Variants in LTBP1 observed in about 807,000 individuals in gnomAD.
LTBP1 encodes latent transforming growth factor beta binding protein 1.
In LTBP1, 129 loss-of-function variants were observed where a neutral mutation model predicts 207.6. That is an observed-to-expected ratio of 0.62 (90% CI 0.54 to 0.72). The LOEUF (loss-of-function observed/expected upper bound fraction) is 0.72, where lower values mean the gene tolerates loss of function less well. Ranked by LOEUF, LTBP1 falls within the 30% of genes least tolerant of loss-of-function variation. The pLI is 0.00. For synonymous variants in LTBP1, 963 were observed against 833.7 expected (o/e 1.16, Z -2.67); for missense variants, 2,281 against 2,217.2 (o/e 1.03, Z -0.58).
intron 25 of LTBP1, among the ~76,000 whole-genome samples, chr2:33,345,940 G>A (rs549411006): frequency 6.6e-6 from 1 of 152,318 alleles, no homozygotes; most frequent in South Asian, 2.1e-4. Flanking sequence ...AGGAAAGAGG[G>A]TAAAAAGCAC....
At chr2:32,966,195 G>A (rs1236865248) in intron 2 of LTBP1, among the ~76,000 whole-genome samples, 2 of 151,996 alleles carry the variant, frequency 1.3e-5, no homozygotes, top group African/African-American at 4.8e-5. Context: ...TTTCCTTATT[G>A]TTGAGTTTTA....
At chr2:32,998,353 TAA>T (rs1685599868) in intron 2 of LTBP1, among the ~76,000 whole-genome samples, 1 of 150,914 alleles carries the variant, frequency 6.6e-6, no homozygotes, top group Non-Finnish European at 1.5e-5. Context: ...CTGTCTCTAC[TAA>T]AAATACAAAA....
At chr2:33,272,666 A>G (rs1225133911) in intron 15 of LTBP1, among the ~76,000 whole-genome samples, 1 of 152,182 alleles carries the variant, frequency 6.6e-6, no homozygotes, top group African/African-American at 2.4e-5. Context: ...TGAGGCATAG[A>G]ATGGTGAGGT....
intron 26 of LTBP1, among the ~76,000 whole-genome samples, chr2:33,355,785 C>G (rs2094851032): frequency 6.6e-6 from 1 of 152,166 alleles, no homozygotes; most frequent in African/African-American, 2.4e-5. Flanking sequence ...AGGCAGCCTT[C>G]CCTGATAGCC....
intron 2 of LTBP1, among the ~76,000 whole-genome samples, chr2:33,002,868 G>T (rs1477024233): frequency 6.6e-6 from 1 of 151,988 alleles, no homozygotes; most frequent in Non-Finnish European, 1.5e-5. Flanking sequence ...AGTACATGTG[G>T]GGTTTCACTG....
chr2:33,053,253 C>G (rs1469254385), intron 3 of LTBP1, among the ~76,000 whole-genome samples: 4 of 152,104 alleles, frequency 2.6e-5, no homozygotes, highest in Non-Finnish European at 5.9e-5. Context: ...ATACCCTGGC[C>G]CCTGCAACCC....
At chr2:33,209,932 A>T (rs1313830056) in intron 7 of LTBP1, among the ~76,000 whole-genome samples, 1 of 152,220 alleles carries the variant, frequency 6.6e-6, no homozygotes, top group Non-Finnish European at 1.5e-5. Flanking sequence ...TTTATAGAAG[A>T]CAAAATAGGC....
chr2:33,216,606 A>C (rs1468860897), intron 7 of LTBP1, among the ~76,000 whole-genome samples: 2 of 152,146 alleles, frequency 1.3e-5, no homozygotes, highest in Non-Finnish European at 2.9e-5. Flanking sequence ...ATTTTTGTAG[A>C]GGCTGAGGCA....
chr2:33,030,109 T>C (rs1007390827), intron 3 of LTBP1, among the ~76,000 whole-genome samples: 3 of 152,222 alleles, frequency 2.0e-5, no homozygotes, highest in African/African-American at 7.2e-5. Flanking sequence ...TGCCAAGTGC[T>C]GGTATTTGGA....
intron 3 of LTBP1, among the ~76,000 whole-genome samples, chr2:33,054,502 C>T (rs2076893640): frequency 6.6e-6 from 1 of 152,172 alleles, no homozygotes; most frequent in African/African-American, 2.4e-5. Flanking sequence ...TCCCCATATT[C>T]ATGTAGATAA....
chr2:33,351,552 G>A (rs898520370), intron 26 of LTBP1, among the ~76,000 whole-genome samples: 1 of 152,098 alleles, frequency 6.6e-6, no homozygotes, highest in South Asian at 2.1e-4. Flanking sequence ...TTGACCTCTG[G>A]ACTCTGAAAG....
chr2:33,034,374 T>C (rs1187960266), intron 3 of LTBP1, among the ~76,000 whole-genome samples: 2 of 152,216 alleles, frequency 1.3e-5, no homozygotes, highest in Admixed American at 1.3e-4. Flanking sequence ...TTTAAATGTT[T>C]AAAGCTGATC....
At chr2:33,084,937 C>T (rs1397972932) in intron 3 of LTBP1, among the ~76,000 whole-genome samples, 1 of 152,148 alleles carries the variant, frequency 6.6e-6, no homozygotes, top group Non-Finnish European at 1.5e-5. Flanking sequence ...AAGATATGTC[C>T]ACATCTTAAT....
At chr2:33,374,322 A>G (rs947395649) in intron 31 of LTBP1, among the ~76,000 whole-genome samples, 2 of 152,272 alleles carry the variant, frequency 1.3e-5, no homozygotes, top group East Asian at 1.9e-4. Flanking sequence ...GTGACATTGC[A>G]CTGGGCACAT....
chr2:33,087,407 C>G (rs1352297231), intron 3 of LTBP1, among the ~76,000 whole-genome samples: 1 of 152,136 alleles, frequency 6.6e-6, no homozygotes, highest in East Asian at 1.9e-4. Context: ...GTTGCACTTT[C>G]AGCATTTTCA....
intron 7 of LTBP1, among the ~76,000 whole-genome samples, chr2:33,200,895 A>G (rs2089167436): frequency 2.0e-5 from 3 of 152,266 alleles, no homozygotes; most frequent in Admixed American, 6.5e-5. Flanking sequence ...ATCACTGGCC[A>G]TCAGAGAAAT....
chr2:32,972,393 T>A (rs1681035349), intron 2 of LTBP1, among the ~76,000 whole-genome samples: 2 of 152,174 alleles, frequency 1.3e-5, no homozygotes, highest in Non-Finnish European at 2.9e-5. Context: ...AATGTTAGGT[T>A]GTTAATTTGA....
intron 2 of LTBP1, among the ~76,000 whole-genome samples, chr2:32,993,198 T>C (rs543666211): frequency 3.3e-5 from 5 of 151,082 alleles, no homozygotes; most frequent in African/African-American, 1.2e-4. Flanking sequence ...CAAGGGAGGG[T>C]CCTTGATCAT....
chr2:33,278,835 T>C (rs1030211618), intron 18 of LTBP1, among the ~76,000 whole-genome samples: 4 of 152,196 alleles, frequency 2.6e-5, no homozygotes, highest in African/African-American at 9.6e-5. Flanking sequence ...AAAACCACTA[T>C]GTATCATTGG....
Sources: allele counts gnomAD v4.1 joint callset (sites outside exome capture counted in the v4.1 genomes callset), GRCh38; gene constraint gnomAD v4.1.1; transcripts MANE v1.5; gene names NCBI Gene and HGNC (gene_info 2026-07-23, HGNC 2026-07-21).